The following CMTM4 variants were observed in gnomAD, a reference collection of about 807,000 sequenced individuals.
CMTM4 encodes the protein CKLF like MARVEL transmembrane domain containing 4.
CMTM4 carries 8 observed loss-of-function variants against 19.0 expected under a neutral mutation model. The observed-to-expected ratio is 0.42, with a 90% CI of 0.25 to 0.76. The LOEUF (loss-of-function observed/expected upper bound fraction) is 0.76, where lower values mean the gene tolerates loss of function less well. Among genes scored for constraint, CMTM4 ranks in the 30% least tolerant of loss-of-function variants. The pLI, the probability that CMTM4 is intolerant of heterozygous loss-of-function variation, is 0.27. For missense variants in CMTM4, 228 were observed against 290.2 expected (o/e 0.79, Z 1.56); for synonymous variants, 106 against 121.1 (o/e 0.88, Z 0.82).
chr16:66,644,476 A>C (rs2016153293), intron 1 of CMTM4, among the ~76,000 whole-genome samples: 1 of 152,248 alleles, frequency 6.6e-6, no homozygotes, highest in Non-Finnish European at 1.5e-5. Context: ...AATGCTTTTT[A>C]AATTTGTAAT....
intron 1 of CMTM4, among the ~76,000 whole-genome samples, chr16:66,670,583 C>T (rs570010212): frequency 2.7e-4 from 41 of 151,828 alleles, no homozygotes; most frequent in African/African-American, 9.7e-4. Context: ...AGGCGGATCA[C>T]GAGGTCAAGA....
chr16:66,689,553 T>C (rs1328481614), intron 1 of CMTM4, among the ~76,000 whole-genome samples: 1 of 152,086 alleles, frequency 6.6e-6, no homozygotes, highest in Non-Finnish European at 1.5e-5. Context: ...ACTACAGGCA[T>C]GCACAACCAT....
the CMTM4 span, among the ~76,000 whole-genome samples, chr16:66,598,768 T>G: frequency 6.6e-6 from 1 of 152,126 alleles, no homozygotes; most frequent in South Asian, 2.1e-4. Flanking sequence ...TCTTGCTGAG[T>G]AGTATTCCAT....
intron 1 of CMTM4, among the ~76,000 whole-genome samples, chr16:66,645,076 G>C (rs927319283): frequency 6.6e-6 from 1 of 152,052 alleles, no homozygotes; most frequent in African/African-American, 2.4e-5. Flanking sequence ...CTGAGGTCAG[G>C]AGTTTGAGAC....
intron 1 of CMTM4, among the ~76,000 whole-genome samples, chr16:66,652,855 C>T (rs2016335512): frequency 6.6e-6 from 1 of 152,142 alleles, no homozygotes. Context: ...TCTTTCTTGC[C>T]AAGAGATTGC....
At chr16:66,680,057 G>C (rs139139369) in intron 1 of CMTM4, among the ~76,000 whole-genome samples, 182 of 152,184 alleles carry the variant, frequency 1.2e-3, no homozygotes, top group Non-Finnish European at 2.1e-3. Context: ...CGTTAAATGA[G>C]GTAACACAAA....
chr16:66,642,670 C>T (rs907834720), intron 1 of CMTM4, among the ~76,000 whole-genome samples: 2 of 152,230 alleles, frequency 1.3e-5, no homozygotes, highest in Middle Eastern at 3.4e-3. Context: ...GAGCCGAGAT[C>T]GCGCCACTGC....
chr16:66,608,342 G>C, the CMTM4 span: 9 of 1,614,184 alleles, frequency 5.6e-6, no homozygotes, highest in Admixed American at 6.7e-5. The surrounding 1 kb of genome is among the most constrained non-coding windows in gnomAD (Gnocchi z 5.1). Flanking sequence ...CTGCTATGTG[G>C]CGTCCTCAGC....
the CMTM4 span, among the ~76,000 whole-genome samples, chr16:66,605,759 T>G: frequency 6.6e-6 from 1 of 152,110 alleles, no homozygotes; most frequent in Non-Finnish European, 1.5e-5. This position sits in a 1 kb window ranked among gnomAD's most constrained non-coding sequence, Gnocchi z 4.6. Flanking sequence ...GTGGCTCAAC[T>G]GAGGGGCCCA....
At chr16:66,624,494 C>T (rs938802483) in intron 2 of CMTM4, among the ~76,000 whole-genome samples, 1 of 152,192 alleles carries the variant, frequency 6.6e-6, no homozygotes. Context: ...ATGGCTGGTG[C>T]GGTGGCTCAT....
intron 2 of CMTM4, among the ~76,000 whole-genome samples, chr16:66,627,268 ATAATT>A (rs2015761665): frequency 6.6e-6 from 1 of 152,246 alleles, no homozygotes; most frequent in Non-Finnish European, 1.5e-5. Flanking sequence ...GTAAGGTACA[ATAATT>A]TAAATGAAAA....
At chr16:66,630,835 T>C (rs1596911156) in intron 2 of CMTM4, among the ~76,000 whole-genome samples, 2 of 140,044 alleles carry the variant, frequency 1.4e-5, no homozygotes, top group South Asian at 2.4e-4. Flanking sequence ...CCGGCCGCCA[T>C]CCCATCTAGG....
intron 1 of CMTM4, among the ~76,000 whole-genome samples, chr16:66,679,434 C>T (rs2016867143): frequency 6.6e-6 from 1 of 152,118 alleles, no homozygotes. Flanking sequence ...GATGTGACCC[C>T]TGAATTATGC....
At chr16:66,606,428 T>C in the CMTM4 span, among the ~76,000 whole-genome samples, 1 of 152,134 alleles carries the variant, frequency 6.6e-6, no homozygotes, top group Non-Finnish European at 1.5e-5. Context: ...CCAGCCCGTC[T>C]CTATGCCTTA....
downstream of CMTM4, chr16:66,613,141 G>A (rs1245869956): frequency 1.4e-6 from 1 of 702,968 alleles, no homozygotes; most frequent in South Asian, 1.5e-5. Context: ...AAGAATCTTT[G>A]GTTCAAGGAG....
Position 66,622,302 on chromosome 16 carries a change from C to T in CMTM4, c.463-80G>A. 6.8e-7 allele frequency: 1 copy of T among 1,474,396 alleles called. No homozygotes were observed. Among genetic ancestry groups the T allele is most frequent in the South Asian group, 1.3e-5 (1 of 79,918 alleles). The allele number at this position is 1,474,396 out of a possible 1,614,324, so 91.3% of individuals were successfully genotyped here. A position where few individuals can be genotyped will look rare whatever the true frequency, so the allele number is the denominator to read the frequency against. ...CTTCTGTGGTGACCCAAGCCACATGCAGCCCCTTCCTGCTCTGCCAGCTGA... is the reference window on the plus strand; with the variant it reads ...CTTCTGTGGTGACCCAAGCCACATGTAGCCCCTTCCTGCTCTGCCAGCTGA... On this transcript the variant is annotated intron_variant, in intron 3 of 3. Coordinates refer to ENST00000394106, the MANE Select transcript of CMTM4 (RefSeq NM_181521.3). This position sits in a 1 kb window ranked among gnomAD's most constrained non-coding sequence, Gnocchi z 4.0.
intron 1 of CMTM4, among the ~76,000 whole-genome samples, chr16:66,663,896 G>T (rs887839476): frequency 1.3e-5 from 2 of 152,048 alleles, no homozygotes; most frequent in African/African-American, 4.8e-5. Context: ...CTTTCTATTT[G>T]TTTAAAGAGT....
Position 66,617,257 on chromosome 16 carries a change from G to T in CMTM4, c.*4801C>A. On this transcript the variant is annotated 3_prime_UTR_variant, in exon 4 of 4. Transcript: ENST00000394106. ...CTATGAAATAGATACACAGTTCAAGGACCCATCATCTGAACTTTTCTAGGC... is the reference window on the plus strand; with the variant it reads ...CTATGAAATAGATACACAGTTCAAGTACCCATCATCTGAACTTTTCTAGGC... The T allele has an allele frequency of 6.2e-7, 1 of 1,611,132 alleles. No homozygotes were observed. Among genetic ancestry groups the T allele is most frequent in the South Asian group, 1.1e-5 (1 of 90,780 alleles).
At chr16:66,600,127 T>TGGG in the CMTM4 span, among the ~76,000 whole-genome samples, 1 of 145,298 alleles carries the variant, frequency 6.9e-6, no homozygotes, top group African/African-American at 2.7e-5. Flanking sequence ...TGTGTGTGTG[T>TGGG]GTGTGTGTGT....
Sources: gnomAD v4.1 joint callset for allele counts (sites outside exome capture counted in the v4.1 genomes callset) on GRCh38, gnomAD v4.1.1 for gene constraint, Gnocchi (gnomAD v3.1) non-coding constraint, MANE v1.5 for transcripts, NCBI Gene and HGNC (gene_info 2026-07-23, HGNC 2026-07-21) for gene names.